Variants in PCDHGA7 observed in about 807,000 individuals in gnomAD.
The protein encoded by PCDHGA7 is protocadherin gamma subfamily A, 7.
Under a neutral mutation model 58.3 loss-of-function variants are expected in PCDHGA7, and 44 were observed. The ratio of observed to expected loss-of-function variants is 0.75; its 90% CI spans 0.59 to 0.97. The LOEUF is 0.97. PCDHGA7 is among the 50% of genes least tolerant of loss of function. The pLI, the probability that PCDHGA7 is intolerant of heterozygous loss-of-function variation, is 0.00. For missense variants in PCDHGA7, 1,266 were observed against 1,188.7 expected, an observed-to-expected ratio of 1.06 and a Z score of -0.96; for synonymous variants, 516 against 504.2, an observed-to-expected ratio of 1.02 and a Z score of -0.31.
chr5:141,409,849 C>A (rs772503820), intron 1 of PCDHGA7: 1 of 1,612,106 alleles, frequency 6.2e-7, no homozygotes, highest in South Asian at 1.1e-5. Context: ...TGAGCCTGCG[C>A]GTGTTGGTGG....
chr5:141,419,852 G>A, intron 1 of PCDHGA7: 1 of 1,614,066 alleles, frequency 6.2e-7, no homozygotes, highest in Non-Finnish European at 8.5e-7. Flanking sequence ...CCTGGTGTTC[G>A]CAGATAGCTT....
intron 1 of PCDHGA7, chr5:141,395,065 A>G: frequency 6.2e-7 from 1 of 1,614,132 alleles, no homozygotes; most frequent in South Asian, 1.1e-5. Context: ...GCTTTCCTGC[A>G]GACCTATTCC....
intron 1 of PCDHGA7, chr5:141,492,073 G>C (rs2099736846): frequency 6.2e-6 from 3 of 480,898 alleles, no homozygotes; most frequent in Non-Finnish European, 1.1e-5. Flanking sequence ...CCTAGGCGCC[G>C]GCTCCGGCAC....
intron 1 of PCDHGA7, chr5:141,405,635 C>T (rs539370352): frequency 1.3e-4 from 69 of 526,234 alleles, no homozygotes; most frequent in Non-Finnish European, 1.9e-4. Context: ...CCACCACGCC[C>T]GGCTAATTTT....
rs1264167021 is a variant in PCDHGA7, at chr5:141,383,833, A to T, written c.934A>T (p.Thr312Ser). 1.2e-6 allele frequency: 2 copies of T among 1,613,926 alleles called. No homozygotes were observed. Among genetic ancestry groups the T allele is most frequent in the Non-Finnish European group, 1.7e-6 (2 of 1,179,850 alleles). The change falls in exon 1 of 4, where the codon ACT becomes TCT. Residue 312 changes from threonine (T) to serine (S), a missense_variant. Physicochemically the swap from Thr to Ser is moderately conservative, Grantham distance 58. Coordinates refer to ENST00000518325, the MANE Select transcript of PCDHGA7 (RefSeq NM_018920.4). ...STLEGLDYEETAFYEMEVQAQ... is the reference protein window; with the variant it reads ...STLEGLDYEESAFYEMEVQAQ... Reference sequence around the variant, plus strand: ...TTTAGAAGGATTAGATTATGAAGAAACTGCCTTCTATGAAATGGAGGTTCA... The same window carrying T: ...TTTAGAAGGATTAGATTATGAAGAATCTGCCTTCTATGAAATGGAGGTTCA...
In PCDHGA7 at chr5:141,415,239, T is replaced by G. The variant is rs781763142; in HGVS notation, c.2424+29916T>G. The G allele has an allele frequency of 8.1e-6, 13 of 1,614,068 alleles. No individual in the cohort carries two copies. The South Asian group carries it at 1.3e-4, about 16-fold the overall frequency. The stretch of plus-strand genomic sequence containing the variant: ...GCAGCTTCGAGTCTCCAGCTAACTC[T>G]GAAACCTCAGACCTCACTCTGTACC... On this transcript the variant is annotated intron_variant, in intron 1 of 3. Coordinates refer to ENST00000518325, the MANE Select transcript of PCDHGA7 (RefSeq NM_018920.4).
chr5:141,440,035 C>T, intron 1 of PCDHGA7: 1 of 153,140 alleles, frequency 6.5e-6, no homozygotes, highest in East Asian at 1.9e-4. Flanking sequence ...GTGTCGAGGA[C>T]ATGCCCACTT....
At position 141,431,365 on chromosome 5, in the gene PCDHGA7, C is replaced by T. The variant is rs2097365932; in HGVS notation, c.2424+46042C>T. ...TGGTGCTGAAACGCGCCCTGGACCG[C>T]GAAGAAAAGGCTGCTCACCACCTGG... On this transcript the variant is annotated intron_variant, in intron 1 of 3. Coordinates refer to ENST00000518325, the MANE Select transcript of PCDHGA7 (RefSeq NM_018920.4). The surrounding 1 kb of genome is among the most constrained non-coding windows in gnomAD (Gnocchi z 4.8). 6 of 1,613,980 alleles carry T rather than the reference C, an allele frequency of 3.7e-6. No homozygotes were observed. Among genetic ancestry groups the T allele is most frequent in the Non-Finnish European group, 5.1e-6 (6 of 1,180,028 alleles).
chr5:141,397,639 G>A (rs1391771739), intron 1 of PCDHGA7, among the ~76,000 whole-genome samples: 2 of 152,180 alleles, frequency 1.3e-5, no homozygotes, highest in Non-Finnish European at 2.9e-5. Context: ...AGAGTTCAAG[G>A]TATGTTTGCA....
At position 141,486,059 on chromosome 5, in the gene PCDHGA7, C is replaced by T. The variant is rs141349392; in HGVS notation, c.2425-8748C>T. ...TCGTGTAAGAAACCTCTTTAGCCTG[C>T]ACCCCACTACTGGAAAGCTTACTCT... On this transcript the variant is annotated intron_variant, in intron 1 of 3. Transcript: ENST00000518325. The surrounding 1 kb of genome is among the most constrained non-coding windows in gnomAD (Gnocchi z 5.0). The T allele has an allele frequency of 9.0e-5, 146 of 1,614,034 alleles. No individual in the cohort carries two copies. The highest frequency in any genetic ancestry group is 1.2e-4 in the Non-Finnish European group (138 of 1,180,018).
Position 141,404,436 on chromosome 5 carries a change from C to T in PCDHGA7, c.2424+19113C>T. On this transcript the variant is annotated intron_variant, in intron 1 of 3. Transcript: ENST00000518325. Reference sequence around the variant, plus strand: ...GTTATTTACTCCTTGGCAGAGGATACCATCCAAGGGTCTCCTCTCTCCACC... The same window carrying T: ...GTTATTTACTCCTTGGCAGAGGATATCATCCAAGGGTCTCCTCTCTCCACC... 1.9e-6 allele frequency: 3 copies of T among 1,612,706 alleles called. No individual in the cohort carries two copies. In the East Asian group the frequency reaches 6.7e-5, roughly 36 times the overall value.
chr5:141,392,929 C>T (rs1474626800), intron 1 of PCDHGA7: 6 of 1,613,770 alleles, frequency 3.7e-6, no homozygotes, highest in Non-Finnish European at 5.1e-6. Flanking sequence ...CCAGAAGAGA[C>T]GGACAAAGGC....
In PCDHGA7 at chr5:141,431,024, A is replaced by G; in HGVS notation, c.2424+45701A>G. ...CAGCGGCAGCTTGGTCACGGCGGGCAGGATAGACCGGGAGGAGCTCTGTAT... is the reference window on the plus strand; with the variant it reads ...CAGCGGCAGCTTGGTCACGGCGGGCGGGATAGACCGGGAGGAGCTCTGTAT... On this transcript the variant is annotated intron_variant, in intron 1 of 3. Transcript: ENST00000518325. The surrounding 1 kb of genome is among the most constrained non-coding windows in gnomAD (Gnocchi z 4.8). 2.5e-6 allele frequency: 4 copies of G among 1,614,024 alleles called. No homozygotes were observed. The highest frequency in any genetic ancestry group is 3.4e-6 in the Non-Finnish European group (4 of 1,179,926).
At chr5:141,414,090 A>C (rs2095707874) in intron 1 of PCDHGA7, 4 of 1,598,352 alleles carry the variant, frequency 2.5e-6, no homozygotes, top group Non-Finnish European at 3.4e-6. Context: ...CTGGAGAAAT[A>C]AAAATATCAG....
At chr5:141,409,702 G>C (rs545411022) in intron 1 of PCDHGA7, 2 of 1,613,108 alleles carry the variant, frequency 1.2e-6, no homozygotes, top group African/African-American at 2.7e-5. Context: ...AGCCCCTGGC[G>C]GTGTCGTCAT....
intron 1 of PCDHGA7, chr5:141,394,551 C>T: frequency 6.2e-7 from 1 of 1,614,138 alleles, no homozygotes; most frequent in Non-Finnish European, 8.5e-7. Context: ...GCTGGCGCCC[C>T]GCTCCGCAGA....
At chr5:141,408,683 G>C in intron 1 of PCDHGA7, 2 of 1,613,906 alleles carry the variant, frequency 1.2e-6, no homozygotes, top group Non-Finnish European at 1.7e-6. Flanking sequence ...CACGGATCCT[G>C]ATATAAACAT....
rs375537017 is a variant in PCDHGA7 at position 141,419,439 on chromosome 5, C to T, written c.2424+34116C>T. 22 of 1,613,154 alleles carry T rather than the reference C, an allele frequency of 1.4e-5. No individual in the cohort carries two copies. Among genetic ancestry groups the T allele is most frequent in the Non-Finnish European group, 1.7e-5 (20 of 1,179,788 alleles). On this transcript the variant is annotated intron_variant, in intron 1 of 3. Transcript: ENST00000518325. ...GCCTTCGACCACGAGCAGCTGCGCACCTTCGAGCTCACGCTGCAGGCCCGC... is the reference window on the plus strand; with the variant it reads ...GCCTTCGACCACGAGCAGCTGCGCATCTTCGAGCTCACGCTGCAGGCCCGC...
At position 141,431,735 on chromosome 5, in the gene PCDHGA7, G is replaced by A. The variant is rs2097411908; in HGVS notation, c.2424+46412G>A. 1.2e-6 allele frequency: 2 copies of A among 1,614,118 alleles called. No homozygotes were observed. Among genetic ancestry groups the A allele is most frequent in the Non-Finnish European group, 1.7e-6 (2 of 1,180,056 alleles). On this transcript the variant is annotated intron_variant, in intron 1 of 3. Transcript: ENST00000518325. The surrounding 1 kb of genome is among the most constrained non-coding windows in gnomAD (Gnocchi z 4.8). ...GGAAGTGCAAGCAATGGATAATGCAGGATATTCTGCGCGAGCCAAAGTCCT... is the reference window on the plus strand; with the variant it reads ...GGAAGTGCAAGCAATGGATAATGCAAGATATTCTGCGCGAGCCAAAGTCCT...
Sources: gnomAD v4.1 joint callset for allele counts (sites outside exome capture counted in the v4.1 genomes callset) on GRCh38, gnomAD v4.1.1 for gene constraint, Gnocchi (gnomAD v3.1) non-coding constraint, MANE v1.5 for transcripts, NCBI Gene and HGNC (gene_info 2026-07-23, HGNC 2026-07-21) for gene names.